Variants in DNAH11 observed in about 807,000 individuals in gnomAD.
The protein encoded by DNAH11 is axonemal beta dynein heavy chain 11.
DNAH11 carries 442 observed loss-of-function variants against 526.0 expected under a neutral mutation model. The observed-to-expected ratio is 0.84, with a 90% CI of 0.78 to 0.91. DNAH11 has a LOEUF of 0.91. Ranked by LOEUF, DNAH11 falls within the 40% of genes least tolerant of loss-of-function variation. The probability of loss-of-function intolerance (pLI) is 0.00; values close to 1 mark genes in which losing one functional copy is unlikely to be tolerated. For synonymous variants in DNAH11, 2,461 were observed against 1,935.9 expected, an observed-to-expected ratio of 1.27 and a Z score of -7.12; for missense variants, 6,989 against 5,448.7, an observed-to-expected ratio of 1.28 and a Z score of -8.90.
chr7:21,814,763 A>C (rs918632263), intron 63 of DNAH11, among the ~76,000 whole-genome samples: 5 of 152,028 alleles, frequency 3.3e-5, no homozygotes, highest in Admixed American at 1.3e-4. Context: ...TCATTAACCA[A>C]AATATCATAT....
intron 65 of DNAH11, among the ~76,000 whole-genome samples, chr7:21,820,070 C>G (rs945898202): frequency 6.6e-6 from 1 of 152,198 alleles, no homozygotes; most frequent in Non-Finnish European, 1.5e-5. Context: ...AATCTCAACT[C>G]TCTATCATCA....
intron 42 of DNAH11, among the ~76,000 whole-genome samples, chr7:21,714,955 TC>T (rs1240172098): frequency 6.6e-6 from 1 of 152,216 alleles, no homozygotes; most frequent in Non-Finnish European, 1.5e-5. Context: ...CTTAAAATAT[TC>T]TTCTGGCTTT....
intron 55 of DNAH11, among the ~76,000 whole-genome samples, chr7:21,772,074 T>C (rs1252171280): frequency 6.6e-6 from 1 of 152,164 alleles, no homozygotes; most frequent in African/African-American, 2.4e-5. Flanking sequence ...CTGGAACGAT[T>C]AGAGTTTTCT....
intron 68 of DNAH11, among the ~76,000 whole-genome samples, chr7:21,856,438 A>C (rs1782852477): frequency 6.6e-6 from 1 of 152,228 alleles, no homozygotes; most frequent in African/African-American, 2.4e-5. Flanking sequence ...GGAGTTTGAA[A>C]GTAACCATGT....
chr7:21,639,195 G>C, intron 28 of DNAH11, 130 bp downstream of exon 28: 1 of 1,140,912 alleles, frequency 8.8e-7, no homozygotes, highest in East Asian at 2.6e-5. Context: ...GTTAAAATTT[G>C]TAATGTAGCA....
At position 21,690,801 on chromosome 7, in the gene DNAH11, A is replaced by T; in HGVS notation, c.5961A>T (p.Pro1987=). The T allele has an allele frequency of 6.2e-7, 1 of 1,610,862 alleles. No individual in the cohort carries two copies. Residue 1987 remains proline (P), a synonymous_variant, in exon 35 of 82, where the codon CCA becomes CCT. Transcript: ENST00000409508. ...VFLGEAITLK[P]SVGIFITMNP... ...TTGGGGAAGCTATCACACTGAAGCC[A>T]TCAGTTGGAATATTTATTACTATGA...
At chr7:21,830,107 G>T (rs999407984) in intron 65 of DNAH11, among the ~76,000 whole-genome samples, 1 of 152,088 alleles carries the variant, frequency 6.6e-6, no homozygotes, top group African/African-American at 2.4e-5. Flanking sequence ...CATATCTGAC[G>T]TTTGAAAGGT....
chr7:21,815,713 ATGTT>A (rs1448984509), intron 63 of DNAH11, among the ~76,000 whole-genome samples: 3 of 152,172 alleles, frequency 2.0e-5, no homozygotes, highest in African/African-American at 4.8e-5. Flanking sequence ...TGCTCAATAA[ATGTT>A]TGGTGATTGA....
chr7:21,668,607 C>T (rs1782514905), intron 30 of DNAH11, among the ~76,000 whole-genome samples: 1 of 152,102 alleles, frequency 6.6e-6, no homozygotes, highest in Non-Finnish European at 1.5e-5. Context: ...AATTTCAGAC[C>T]CCTCACATTT....
chr7:21,584,363 G>T (rs1583502133), intron 9 of DNAH11, among the ~76,000 whole-genome samples: 1 of 152,160 alleles, frequency 6.6e-6, no homozygotes, highest in Admixed American at 6.5e-5. Flanking sequence ...TCACTCATAA[G>T]TGGGAGTTAA....
Position 21,715,522 on chromosome 7 carries a change from ATATGCCATTTTAG to A in DNAH11, c.6984-2241_6984-2229del, listed in dbSNP as rs559863637. On this transcript the variant is annotated intron_variant, in intron 42 of 81. Transcript: ENST00000409508. ...GGTCTTTTCTGTGGGCAAGGAAAGA[ATATGCCATTTTAG>A]TATGCCATTTTCAATTGTATGTAAT... is the stretch of plus-strand genomic sequence containing the variant. 5.3e-5 allele frequency among the ~76,000 whole-genome samples: 8 copies of A among 152,334 alleles called. No individual in the cohort carries two copies. In the South Asian group the frequency reaches 1.7e-3, roughly 32 times the overall value.
intron 30 of DNAH11, among the ~76,000 whole-genome samples, chr7:21,670,356 A>G (rs1296932473): frequency 6.6e-6 from 1 of 152,046 alleles, no homozygotes; most frequent in African/African-American, 2.4e-5. Flanking sequence ...ATAGAAATTT[A>G]TTGATTTTTA....
chr7:21,854,579 T>A, intron 68 of DNAH11, 124 bp downstream of exon 68: 5 of 1,101,166 alleles, frequency 4.5e-6, no homozygotes, highest in Non-Finnish European at 6.2e-6. Flanking sequence ...AGACAGAGTC[T>A]CACTCTGTAG....
chr7:21,842,943 C>T lies in DNAH11; in HGVS notation c.10896+195C>T, dbSNP rs4722060. Among the ~76,000 whole-genome samples the T allele has an allele frequency of 0.45, 68,015 of 152,006 alleles. 18,442 individuals are homozygous for T. Among genetic ancestry groups the T allele is most frequent in the Non-Finnish European group, 0.61 (41,687 of 67,968 alleles). On this transcript the variant is annotated intron_variant, in intron 66 of 81. Transcript: ENST00000409508. ...TAAATGCTAGATTGTTACGGTTATG[C>T]CACACGTAGGAGATAGGGTGGCTCT...
intron 70 of DNAH11, among the ~76,000 whole-genome samples, chr7:21,865,507 G>A (rs1203803299): frequency 1.3e-5 from 2 of 152,110 alleles, no homozygotes; most frequent in African/African-American, 2.4e-5. Context: ...CCAGGGGATG[G>A]GGAAGGAAAA....
At chr7:21,799,871 A>G (rs551024059) in intron 61 of DNAH11, among the ~76,000 whole-genome samples, 1 of 152,300 alleles carries the variant, frequency 6.6e-6, no homozygotes, top group South Asian at 2.1e-4. Flanking sequence ...AGTTTCTTGG[A>G]ACTTTGCATG....
intron 74 of DNAH11, among the ~76,000 whole-genome samples, chr7:21,879,480 C>T (rs1330771080): frequency 6.6e-6 from 1 of 151,824 alleles, no homozygotes; most frequent in Non-Finnish European, 1.5e-5. Context: ...AAAAAAACCT[C>T]ACAGGTCTAG....
At chr7:21,544,855 A>G in intron 1 of DNAH11, 151 bp from the exon 2 acceptor site, 2 of 577,938 alleles carry the variant, frequency 3.5e-6, no homozygotes, top group South Asian at 2.5e-5. Flanking sequence ...GCTGCATACT[A>G]GGGAAGAGCC....
At chr7:21,564,099 A>G (rs1271383804) in intron 5 of DNAH11, 87 bp from the exon 6 acceptor site, 1 of 938,440 alleles carries the variant, frequency 1.1e-6, no homozygotes, top group African/African-American at 1.7e-5. Context: ...ATGTTGTTTT[A>G]CGTGGCTCTC....
Sources: allele counts gnomAD v4.1 joint callset (sites outside exome capture counted in the v4.1 genomes callset), GRCh38; gene constraint gnomAD v4.1.1; transcripts MANE v1.5; gene names NCBI Gene and HGNC (gene_info 2026-07-23, HGNC 2026-07-21).